ALDH1L1: variants seen among roughly 807,000 people sequenced by gnomAD.
The protein encoded by ALDH1L1 is aldehyde dehydrogenase 1 family member L1.
Under a neutral mutation model 101.1 loss-of-function variants are expected in ALDH1L1, and 68 were observed. That is an observed-to-expected ratio of 0.67 (90% CI 0.55 to 0.82). The LOEUF (loss-of-function observed/expected upper bound fraction) is 0.82, where lower values mean the gene tolerates loss of function less well. Ranked by LOEUF, ALDH1L1 falls within the 40% of genes least tolerant of loss-of-function variation. ALDH1L1 has a pLI of 0.00. For missense variants in ALDH1L1, 1,087 were observed against 1,172.7 expected (o/e 0.93, Z 1.07); for synonymous variants, 486 against 470.8 (o/e 1.03, Z -0.42).
intron 1 of ALDH1L1, among the ~76,000 whole-genome samples, chr3:126,172,515 C>T (rs1032761909): frequency 1.3e-5 from 2 of 152,092 alleles, no homozygotes; most frequent in Non-Finnish European, 2.9e-5. Context: ...TCAACAAACA[C>T]TTCCCAAACT....
chr3:126,189,014 G>A (rs1366775149), intron 1 of ALDH1L1, among the ~76,000 whole-genome samples: 1 of 152,092 alleles, frequency 6.6e-6, no homozygotes, highest in African/African-American at 2.4e-5. Flanking sequence ...CATCAGCACC[G>A]ACTCCTCCTT....
chr3:126,183,140 G>C (rs1265319953), upstream of ALDH1L1, among the ~76,000 whole-genome samples: 1 of 152,164 alleles, frequency 6.6e-6, no homozygotes, highest in Non-Finnish European at 1.5e-5. Context: ...AGAGAACAAA[G>C]GGACACCTCA....
chr3:126,130,015 T>C (rs565913926), intron 14 of ALDH1L1: 3 of 430,590 alleles, frequency 7.0e-6, no homozygotes, highest in Non-Finnish European at 1.2e-5. Context: ...TGGACCTGAC[T>C]GATCCAGTGT....
chr3:126,153,375 AGGCCT>A, intron 7 of ALDH1L1, 64 bp downstream of exon 7: 1 of 1,603,086 alleles, frequency 6.2e-7, no homozygotes, highest in South Asian at 1.1e-5. Context: ...TCTTCCTGTG[AGGCCT>A]GAGTCCAAGG....
chr3:126,144,226 TAGAA>T (rs2080626357), intron 9 of ALDH1L1, among the ~76,000 whole-genome samples: 1 of 152,104 alleles, frequency 6.6e-6, no homozygotes. Flanking sequence ...TCTAAATAAA[TAGAA>T]AGCCATCTGT....
At chr3:126,176,161 A>G (rs1193592671) in intron 1 of ALDH1L1, among the ~76,000 whole-genome samples, 1 of 152,214 alleles carries the variant, frequency 6.6e-6, no homozygotes, top group African/African-American at 2.4e-5. Flanking sequence ...GAGAATAACC[A>G]TAACTGATGA....
At chr3:126,115,877 T>C (rs1320168561) in intron 17 of ALDH1L1, among the ~76,000 whole-genome samples, 2 of 151,696 alleles carry the variant, frequency 1.3e-5, no homozygotes, top group Admixed American at 6.6e-5. Flanking sequence ...ACCCAGCCTT[T>C]TTTTTTTTCC....
chr3:126,127,803 A>C (rs1311015058), intron 14 of ALDH1L1, among the ~76,000 whole-genome samples: 1 of 152,214 alleles, frequency 6.6e-6, no homozygotes, highest in Non-Finnish European at 1.5e-5. Flanking sequence ...CTGATCACTC[A>C]GTCATTCTGC....
intron 1 of ALDH1L1, among the ~76,000 whole-genome samples, chr3:126,164,356 C>T (rs774028028): frequency 2.2e-4 from 34 of 152,280 alleles, no homozygotes; most frequent in Non-Finnish European, 3.1e-4. Context: ...CAGTACCCAA[C>T]GGAGTTTTTT....
intron 17 of ALDH1L1, among the ~76,000 whole-genome samples, chr3:126,116,615 C>T (rs79456604): frequency 0.044 from 6,732 of 152,266 alleles, 461 homozygotes; most frequent in African/African-American, 0.15. Flanking sequence ...GAGAGGCAAA[C>T]CTGCAGTGAC....
chr3:126,143,663 A>C lies in ALDH1L1; in HGVS notation c.1076+3172T>G, dbSNP rs1313554068. On this transcript the variant is annotated intron_variant, in intron 9 of 22. Transcript: ENST00000393434. The stretch of plus-strand genomic sequence containing the variant: ...CAGATAACATGATCTTACATGTAGA[A>C]ATCTTTAAATGGGCCAAGTGTAACG... Among the ~76,000 whole-genome samples, 4 of 152,214 alleles carry C rather than the reference A, an allele frequency of 2.6e-5. No individual in the cohort carries two copies. In the East Asian group the frequency reaches 5.8e-4, roughly 22 times the overall value.
chr3:126,105,583 T>A (rs1945838007), intron 22 of ALDH1L1, 143 bp downstream of exon 22: 1 of 949,384 alleles, frequency 1.1e-6, no homozygotes, highest in Non-Finnish European at 1.7e-6. Flanking sequence ...ACAAGTTCCC[T>A]CCCAGTAAGA....
chr3:126,189,090 A>C (rs764069008), intron 1 of ALDH1L1, among the ~76,000 whole-genome samples: 1 of 152,254 alleles, frequency 6.6e-6, no homozygotes, highest in Non-Finnish European at 1.5e-5. Flanking sequence ...TTTGTGGGCC[A>C]GAAGTCCAGC....
chr3:126,117,745 A>C (rs62263532), intron 17 of ALDH1L1, among the ~76,000 whole-genome samples: 23,984 of 151,928 alleles, frequency 0.16, 2,624 homozygotes, highest in African/African-American at 0.32. Flanking sequence ...CTTGAAATCC[A>C]TGCGTGTTTT....
At chr3:126,123,755 T>A (rs1046503027) in intron 16 of ALDH1L1, among the ~76,000 whole-genome samples, 3 of 152,110 alleles carry the variant, frequency 2.0e-5, no homozygotes, top group African/African-American at 7.2e-5. Flanking sequence ...GTATTTGATT[T>A]TTTTAGAGTG....
At chr3:126,195,037 T>C (rs2081574562) in intron 1 of ALDH1L1, among the ~76,000 whole-genome samples, 1 of 151,762 alleles carries the variant, frequency 6.6e-6, no homozygotes, top group Non-Finnish European at 1.5e-5. Flanking sequence ...CCATGCGAGA[T>C]CCTTTCCTAT....
chr3:126,171,958 G>T (rs2081284946), intron 1 of ALDH1L1, among the ~76,000 whole-genome samples: 2 of 152,146 alleles, frequency 1.3e-5, no homozygotes. Flanking sequence ...TAAGAGAACT[G>T]CAAGCCAGAG....
At chr3:126,124,788 T>G (rs1276013211) in intron 15 of ALDH1L1, among the ~76,000 whole-genome samples, 1 of 152,260 alleles carries the variant, frequency 6.6e-6, no homozygotes, top group African/African-American at 2.4e-5. Flanking sequence ...TTGTGTGTGA[T>G]GCTTAAATAA....
intron 1 of ALDH1L1, among the ~76,000 whole-genome samples, chr3:126,178,175 G>A (rs1267367455): frequency 6.6e-6 from 1 of 152,144 alleles, no homozygotes; most frequent in Non-Finnish European, 1.5e-5. Context: ...GAGCCCTTGA[G>A]TTCAAGGCCA....
Sources: allele counts gnomAD v4.1 joint callset (sites outside exome capture counted in the v4.1 genomes callset), GRCh38; gene constraint gnomAD v4.1.1; transcripts MANE v1.5; gene names NCBI Gene and HGNC (gene_info 2026-07-23, HGNC 2026-07-21).